Variants in VSTM4 observed in about 807,000 individuals in gnomAD.
VSTM4 encodes V-set and transmembrane domain containing 4.
A neutral mutation model predicts 36.4 loss-of-function variants in VSTM4; 20 were observed. The ratio of observed to expected loss-of-function variants is 0.55; its 90% CI spans 0.39 to 0.80. The LOEUF is 0.80. Ranked by LOEUF, VSTM4 falls within the 30% of genes least tolerant of loss-of-function variation. The pLI is 0.00. For missense variants in VSTM4, 392 were observed against 404.5 expected (o/e 0.97, Z 0.26); for synonymous variants, 182 against 173.9 (o/e 1.05, Z -0.37).
intron 7 of VSTM4, among the ~76,000 whole-genome samples, 199 bp from the exon 8 acceptor site, chr10:49,019,974 C>T (rs570034547): frequency 5.9e-5 from 9 of 152,210 alleles, no homozygotes; most frequent in African/African-American, 1.2e-4. Context: ...TAGAGCACTA[C>T]GTCCTGCAGT....
intron 5 of VSTM4, among the ~76,000 whole-genome samples, chr10:49,061,526 C>G (rs919662314): frequency 1.1e-4 from 17 of 152,074 alleles, no homozygotes; most frequent in Non-Finnish European, 8.8e-5. Flanking sequence ...TTTCTTCTCT[C>G]TGTTCTTTCA....
At chr10:49,064,549 C>A (rs1843937828) in intron 5 of VSTM4, 154 bp downstream of exon 5, 8 of 844,918 alleles carry the variant, frequency 9.5e-6, no homozygotes, top group African/African-American at 1.7e-5. Flanking sequence ...TGGAAACATG[C>A]AAATGCATGC....
intron 2 of VSTM4, among the ~76,000 whole-genome samples, chr10:49,092,719 G>A (rs749341311): frequency 6.6e-6 from 1 of 152,086 alleles, no homozygotes; most frequent in Middle Eastern, 3.2e-3. Context: ...GGCCTGCCAC[G>A]CCCCCATCCT....
At chr10:49,053,680 C>T (rs1843732805) in intron 5 of VSTM4, among the ~76,000 whole-genome samples, 2 of 152,200 alleles carry the variant, frequency 1.3e-5, no homozygotes, top group African/African-American at 2.4e-5. Context: ...GATGTTGCCA[C>T]TTGGGTATTT....
In VSTM4 at chr10:49,021,639, C is replaced by G. The variant is rs534774027; in HGVS notation, c.838-1864G>C. On this transcript the variant is annotated intron_variant, in intron 7 of 7. Coordinates refer to ENST00000332853, the MANE Select transcript of VSTM4 (RefSeq NM_001031746.5). Reference sequence around the variant, plus strand: ...TACTCACCCTCTCATAATCAGAAAACCGACACTTAAAGTCACACTTAGACA... The same window carrying G: ...TACTCACCCTCTCATAATCAGAAAAGCGACACTTAAAGTCACACTTAGACA... Among the ~76,000 whole-genome samples the G allele has an allele frequency of 3.3e-5, 5 of 152,086 alleles. No homozygotes were observed. In the South Asian group the frequency reaches 8.3e-4, roughly 25 times the overall value.
chr10:49,105,984 T>C (rs574720122), intron 2 of VSTM4, among the ~76,000 whole-genome samples: 1 of 152,338 alleles, frequency 6.6e-6, no homozygotes, highest in African/African-American at 2.4e-5. Flanking sequence ...TTGTTTTCTA[T>C]GTGAAAATAA....
At chr10:49,030,894 T>C (rs1252388819) in intron 7 of VSTM4, among the ~76,000 whole-genome samples, 1 of 152,188 alleles carries the variant, frequency 6.6e-6, no homozygotes, top group South Asian at 2.1e-4. Context: ...GAAGCTAAAA[T>C]GTGATTATAG....
chr10:49,073,458 C>T (rs1844118705), intron 4 of VSTM4, among the ~76,000 whole-genome samples: 1 of 152,238 alleles, frequency 6.6e-6, no homozygotes, highest in African/African-American at 2.4e-5. Context: ...GATGTGACCA[C>T]TTACACCCCA....
chr10:49,059,454 A>T (rs1178923280), intron 5 of VSTM4, among the ~76,000 whole-genome samples: 1 of 152,198 alleles, frequency 6.6e-6, no homozygotes, highest in Non-Finnish European at 1.5e-5. Context: ...CTGGAATGAC[A>T]TCCTTGCTGT....
chr10:49,066,959 T>C (rs1430545699), intron 4 of VSTM4, among the ~76,000 whole-genome samples: 2 of 152,160 alleles, frequency 1.3e-5, no homozygotes, highest in Non-Finnish European at 2.9e-5. Context: ...GGAAGTGTAC[T>C]GAAGATAAAA....
At chr10:49,034,404 C>G (rs2253888) in intron 7 of VSTM4, among the ~76,000 whole-genome samples, 148,012 of 152,356 alleles carry the variant, frequency 0.97, 72,045 homozygotes, top group East Asian at 1. Flanking sequence ...CATGCAATGT[C>G]GGCAATGGGC....
chr10:49,036,989 T>C (rs1476943076), intron 7 of VSTM4, among the ~76,000 whole-genome samples: 1 of 152,206 alleles, frequency 6.6e-6, no homozygotes, highest in Middle Eastern at 3.2e-3. Context: ...AAGTAAGTCT[T>C]GGTCACCTGG....
At chr10:49,086,845 A>C (rs560123248) in intron 2 of VSTM4, among the ~76,000 whole-genome samples, 44 of 152,298 alleles carry the variant, frequency 2.9e-4, no homozygotes, top group African/African-American at 9.9e-4. Context: ...CAAATAACTG[A>C]ATTTTTACTT....
chr10:49,047,703 A>T (rs1843634836), intron 6 of VSTM4, among the ~76,000 whole-genome samples: 1 of 151,972 alleles, frequency 6.6e-6, no homozygotes, highest in African/African-American at 2.4e-5. Flanking sequence ...CTGCAGTACA[A>T]CCACACCCTC....
intron 1 of VSTM4, among the ~76,000 whole-genome samples, chr10:49,111,480 G>T (rs1844893438): frequency 6.6e-6 from 1 of 152,200 alleles, no homozygotes; most frequent in African/African-American, 2.4e-5. Context: ...GGACCTGATG[G>T]TGTCACTCGC....
intron 2 of VSTM4, among the ~76,000 whole-genome samples, chr10:49,106,165 C>T (rs1844778757): frequency 1.3e-5 from 2 of 152,078 alleles, no homozygotes; most frequent in Admixed American, 6.5e-5. Flanking sequence ...ACTCTATGTC[C>T]CTTATTCATA....
At chr10:49,072,351 G>T (rs923074608) in intron 4 of VSTM4, among the ~76,000 whole-genome samples, 7 of 152,170 alleles carry the variant, frequency 4.6e-5, no homozygotes, top group Non-Finnish European at 7.3e-5. Context: ...CCAGCTGGTT[G>T]CTGGGGTAAC....
At chr10:49,105,895 A>G (rs1844774164) in intron 2 of VSTM4, among the ~76,000 whole-genome samples, 1 of 152,060 alleles carries the variant, frequency 6.6e-6, no homozygotes, top group Non-Finnish European at 1.5e-5. Context: ...TATATCTTGT[A>G]TATATAAAAG....
At chr10:49,091,299 C>G (rs1404590173) in intron 2 of VSTM4, among the ~76,000 whole-genome samples, 1 of 152,184 alleles carries the variant, frequency 6.6e-6, no homozygotes, top group African/African-American at 2.4e-5. Context: ...ACAGGCCACT[C>G]TGGGGCCTCC....
Sources: gnomAD v4.1 joint callset for allele counts (sites outside exome capture counted in the v4.1 genomes callset) on GRCh38, gnomAD v4.1.1 for gene constraint, MANE v1.5 for transcripts, NCBI Gene and HGNC (gene_info 2026-07-23, HGNC 2026-07-21) for gene names.